The following PLA2G6 variants were observed in gnomAD, a reference collection of about 807,000 sequenced individuals.
PLA2G6 encodes phospholipase A2 group VI.
In PLA2G6, 62 loss-of-function variants were observed where a neutral mutation model predicts 83.8. The ratio of observed to expected loss-of-function variants is 0.74; its 90% CI spans 0.60 to 0.91. The LOEUF (loss-of-function observed/expected upper bound fraction) is 0.91. Among genes scored for constraint, PLA2G6 ranks in the 40% least tolerant of loss-of-function variants. PLA2G6 has a pLI of 0.00. For missense variants in PLA2G6, 944 were observed against 1,102.0 expected (o/e 0.86, Z 2.03); for synonymous variants, 417 against 449.8 (o/e 0.93, Z 0.92).
rs756375070 is a variant in PLA2G6 at position 38,129,574 on chromosome 22, GGA to G, written c.1078-14_1078-13del. ...TCCACGTTGTCTTTCTGTTGGAGATGGAGAGAGGATAAGACGTGCAACTGCCG... is the reference window on the plus strand; with the variant it reads ...TCCACGTTGTCTTTCTGTTGGAGATGGAGAGGATAAGACGTGCAACTGCCG... On this transcript the variant is annotated splice_polypyrimidine_tract_variant and intron_variant, in intron 7 of 16. Coordinates refer to ENST00000332509, the MANE Select transcript of PLA2G6 (RefSeq NM_003560.4). 4.4e-6 allele frequency: 7 copies of G among 1,599,894 alleles called. No individual in the cohort carries two copies. Among genetic ancestry groups the G allele is most frequent in the Non-Finnish European group, 6.0e-6 (7 of 1,167,292 alleles).
chr22:38,137,188 C>G (rs2088608677), intron 5 of PLA2G6: 1 of 152,400 alleles, frequency 6.6e-6, no homozygotes, highest in Non-Finnish European at 1.5e-5. Flanking sequence ...AGGATTTATG[C>G]TGCCCAGCTC....
chr22:38,133,281 AC>A, intron 6 of PLA2G6: 1 of 553,966 alleles, frequency 1.8e-6, no homozygotes, highest in Non-Finnish European at 3.2e-6. Context: ...TGCCAACAGA[AC>A]CCACTCTCCT....
intron 2 of PLA2G6, chr22:38,150,276 G>T (rs1348426585): frequency 6.6e-6 from 1 of 152,090 alleles, no homozygotes; most frequent in Non-Finnish European, 1.5e-5. Flanking sequence ...CCAGACCAAT[G>T]CCTTAAGAGA....
At chr22:38,140,194 G>A in intron 4 of PLA2G6, 25 bp from the exon 5 acceptor site, 1 of 1,607,986 alleles carries the variant, frequency 6.2e-7, no homozygotes. Flanking sequence ...AGGGAAGTTT[G>A]ACTCCATAGG....
chr22:38,141,576 C>G (rs2088904450), intron 4 of PLA2G6: 1 of 150,234 alleles, frequency 6.7e-6, no homozygotes, highest in Non-Finnish European at 1.5e-5. Context: ...TTGTGGCCCT[C>G]CCTGGGCACG....
rs765012024 is a variant in PLA2G6 at position 38,127,382 on chromosome 22, G to A, written c.1348+887C>T. ...CTAATGCCGCATGGCTAGGCTCGGTGGCCTCTCCAGGCCCAGGGCGTTACC... is the reference window on the plus strand; with the variant it reads ...CTAATGCCGCATGGCTAGGCTCGGTAGCCTCTCCAGGCCCAGGGCGTTACC... On this transcript the variant is annotated intron_variant, in intron 9 of 16. Transcript: ENST00000332509. 3.5e-5 allele frequency: 46 copies of A among 1,312,720 alleles called. No homozygotes were observed. In the African/African-American group the frequency reaches 6.5e-4, roughly 19 times the overall value. The allele number at this position is 1,312,720 out of a possible 1,614,324, so 81.3% of individuals were successfully genotyped here. A position where few individuals can be genotyped will look rare whatever the true frequency, so the allele number is the denominator to read the frequency against.
Position 38,181,769 on chromosome 22 carries a change from C to T in PLA2G6, c.-151G>A, listed in dbSNP as rs1327770004. On this transcript the variant is annotated 5_prime_UTR_variant, in exon 1 of 17. Transcript: ENST00000332509. ...AACGGACCCCCAGGCCCCGCCCACCCGCGAGGTCACTCACCTCGGCTTACT... is the reference window on the plus strand; with the variant it reads ...AACGGACCCCCAGGCCCCGCCCACCTGCGAGGTCACTCACCTCGGCTTACT... 1 of 152,270 alleles carries T rather than the reference C, an allele frequency of 6.6e-6. No individual in the cohort carries two copies. Among genetic ancestry groups the T allele is most frequent in the African/African-American group, 2.4e-5 (1 of 41,456 alleles). The allele number at this position is 152,270 out of a possible 1,614,324, so 9.4% of individuals were successfully genotyped here.
rs1191288396 is a variant in PLA2G6 at position 38,158,562 on chromosome 22, T to C, written c.209+10656A>G. Among the ~76,000 whole-genome samples the C allele has an allele frequency of 3.3e-5, 5 of 152,234 alleles. No homozygotes were observed. In the East Asian group the frequency reaches 7.7e-4, roughly 23 times the overall value. Reference sequence around the variant, plus strand: ...TTGCTTAAAATTCAAACATACGGGCTCATTTATAGTTACATTTTTGCTATT... The same window carrying C: ...TTGCTTAAAATTCAAACATACGGGCCCATTTATAGTTACATTTTTGCTATT... On this transcript the variant is annotated intron_variant, in intron 2 of 16. Transcript: ENST00000332509.
Position 38,132,805 on chromosome 22 carries a change from G to C in PLA2G6, c.1077+26C>G. Reference sequence around the variant, plus strand: ...CTGCATTCCCACCGGGGCCCCACAGGGCAGGACACGCGGTCCTGGGCTCAC... The same window carrying C: ...CTGCATTCCCACCGGGGCCCCACAGCGCAGGACACGCGGTCCTGGGCTCAC... On this transcript the variant is annotated intron_variant, in intron 7 of 16. Coordinates refer to ENST00000332509, the MANE Select transcript of PLA2G6 (RefSeq NM_003560.4). This position sits in a 1 kb window ranked among gnomAD's most constrained non-coding sequence, Gnocchi z 5.0. 1 of 1,535,174 alleles carries C rather than the reference G, an allele frequency of 6.5e-7. No individual in the cohort carries two copies. The highest frequency in any genetic ancestry group is 1.2e-5 in the South Asian group (1 of 83,790).
At chr22:38,126,944 T>C in intron 9 of PLA2G6, 1 of 989,604 alleles carries the variant, frequency 1.0e-6, no homozygotes, top group South Asian at 2.8e-5. Flanking sequence ...TTTAAGTCCA[T>C]GGATGAAAGG....
At chr22:38,140,421 T>A (rs940821097) in intron 4 of PLA2G6, 4 of 456,154 alleles carry the variant, frequency 8.8e-6, no homozygotes, top group Non-Finnish European at 1.6e-5. Flanking sequence ...GGAAAGAGAA[T>A]CGCTTGAACC....
intron 2 of PLA2G6, chr22:38,148,070 A>T: frequency 5.0e-6 from 1 of 199,124 alleles, no homozygotes; most frequent in South Asian, 6.5e-5. Flanking sequence ...GGTACTCCAC[A>T]TCAAGTGTTG....
At chr22:38,180,964 A>T (rs970542346) in intron 1 of PLA2G6, among the ~76,000 whole-genome samples, 2 of 152,204 alleles carry the variant, frequency 1.3e-5, no homozygotes, top group Non-Finnish European at 2.9e-5. Flanking sequence ...GGTAAGAGGC[A>T]GGTGAGGGAA....
At chr22:38,136,043 A>G (rs2088533619) in intron 5 of PLA2G6, 1 of 152,244 alleles carries the variant, frequency 6.6e-6, no homozygotes, top group African/African-American at 2.4e-5. Context: ...CCTTGAAGAC[A>G]TCATGCTAAG....
At chr22:38,178,675 G>A (rs549861344) in intron 1 of PLA2G6, among the ~76,000 whole-genome samples, 15 of 152,248 alleles carry the variant, frequency 9.9e-5, no homozygotes. Flanking sequence ...GACCGGCCTG[G>A]CCAACATAGT....
At chr22:38,167,096 C>T (rs945637607) in intron 2 of PLA2G6, among the ~76,000 whole-genome samples, 1 of 151,726 alleles carries the variant, frequency 6.6e-6, no homozygotes, top group African/African-American at 2.4e-5. Flanking sequence ...GGCGTGGTGG[C>T]GGGTGCCTGT....
In PLA2G6 at chr22:38,123,288, AGG is replaced by A; in HGVS notation, c.1428-32_1428-31del. ...AGTGGGAACAGCAGTGGGAGAGAGGAGGGTCCTGCCACAGCCCAGTACTTTAC... is the reference window on the plus strand; with the variant it reads ...AGTGGGAACAGCAGTGGGAGAGAGGAGTCCTGCCACAGCCCAGTACTTTAC... On this transcript the variant is annotated intron_variant, in intron 10 of 16. Coordinates refer to ENST00000332509, the MANE Select transcript of PLA2G6 (RefSeq NM_003560.4). The surrounding 1 kb of genome is among the most constrained non-coding windows in gnomAD (Gnocchi z 4.1). 1 of 1,552,268 alleles carries A rather than the reference AGG, an allele frequency of 6.4e-7. No individual in the cohort carries two copies.
At chr22:38,124,134 CTTAT>C (rs11570725) in intron 10 of PLA2G6, among the ~76,000 whole-genome samples, 2,882 of 152,064 alleles carry the variant, frequency 0.019, 78 homozygotes, top group African/African-American at 0.066. Flanking sequence ...CGTGCCCAGC[CTTAT>C]TTATTTATTT....
At position 38,128,255 on chromosome 22, in the gene PLA2G6, G is replaced by A; in HGVS notation, c.1348+14C>T. 1.2e-6 allele frequency: 2 copies of A among 1,611,938 alleles called. No individual in the cohort carries two copies. Among genetic ancestry groups the A allele is most frequent in the Non-Finnish European group, 1.7e-6 (2 of 1,179,662 alleles). Reference sequence around the variant, plus strand: ...AACCAGCTGGAGAAGAGGGAGTCGGGAGGCGAGGCCTACCTAGGTTGTTTA... The same window carrying A: ...AACCAGCTGGAGAAGAGGGAGTCGGAAGGCGAGGCCTACCTAGGTTGTTTA... On this transcript the variant is annotated intron_variant, in intron 9 of 16. Coordinates refer to ENST00000332509, the MANE Select transcript of PLA2G6 (RefSeq NM_003560.4). This position sits in a 1 kb window ranked among gnomAD's most constrained non-coding sequence, Gnocchi z 4.4.
Sources: allele counts gnomAD v4.1 joint callset (sites outside exome capture counted in the v4.1 genomes callset), GRCh38; gene constraint gnomAD v4.1.1; non-coding constraint Gnocchi (gnomAD v3.1); transcripts MANE v1.5; gene names NCBI Gene and HGNC (gene_info 2026-07-23, HGNC 2026-07-21).